Variants in RAB37 observed in about 807,000 individuals in gnomAD.
RAB37 encodes ras-related protein Rab-37.
RAB37 carries 29 observed loss-of-function variants against 33.1 expected under a neutral mutation model. The ratio of observed to expected loss-of-function variants is 0.88; its 90% confidence interval spans 0.65 to 1.20. The LOEUF (loss-of-function observed/expected upper bound fraction) is 1.20. Among genes scored for constraint, RAB37 ranks in the 50% most tolerant of loss-of-function variants. RAB37 has a pLI of 0.00. For missense variants in RAB37, 299 were observed against 301.1 expected (o/e 0.99, Z 0.05); for synonymous variants, 128 against 119.5 (o/e 1.07, Z -0.47).
At chr17:74,731,973 G>A (rs947028102) in intron 2 of RAB37, among the ~76,000 whole-genome samples, 2 of 151,830 alleles carry the variant, frequency 1.3e-5, no homozygotes, top group Non-Finnish European at 2.9e-5. Flanking sequence ...TCATGCCATT[G>A]CGCTACAGCC....
intron 1 of RAB37, among the ~76,000 whole-genome samples, chr17:74,691,418 G>A (rs1289705137): frequency 6.6e-6 from 1 of 152,144 alleles, no homozygotes; most frequent in Non-Finnish European, 1.5e-5. Context: ...GATCCTCCTG[G>A]CTAAGCCTTC....
At chr17:74,688,552 C>A (rs200763899) in intron 1 of RAB37, among the ~76,000 whole-genome samples, 852 of 112,546 alleles carry the variant, frequency 7.6e-3, no homozygotes, top group African/African-American at 0.011. Flanking sequence ...GACTGCACCT[C>A]AAAAAAAAAA....
chr17:74,709,822 C>T (rs868021400), intron 1 of RAB37, among the ~76,000 whole-genome samples: 16 of 152,132 alleles, frequency 1.1e-4, no homozygotes, highest in Admixed American at 5.2e-4. Flanking sequence ...ATCTGCCTGC[C>T]TTAGCCTCAC....
chr17:74,685,104 T>TAAA (rs920024515), intron 1 of RAB37, among the ~76,000 whole-genome samples: 1 of 139,044 alleles, frequency 7.2e-6, no homozygotes, highest in Non-Finnish European at 1.6e-5. Flanking sequence ...CATTTTGCCT[T>TAAA]AAAAAAAAAA....
At chr17:74,717,041 A>G (rs1394063210) in intron 1 of RAB37, among the ~76,000 whole-genome samples, 2 of 152,224 alleles carry the variant, frequency 1.3e-5, no homozygotes, top group Admixed American at 1.3e-4. Flanking sequence ...AGGCTGAGGC[A>G]GGAGAATCAC....
upstream of RAB37, chr17:74,736,798 G>A (rs2144053020): frequency 6.5e-7 from 1 of 1,535,502 alleles, no homozygotes. Context: ...AACAGATGAG[G>A]AAGTGTCTCG....
At chr17:74,682,776 T>C (rs1178251765) in intron 1 of RAB37, among the ~76,000 whole-genome samples, 3 of 152,196 alleles carry the variant, frequency 2.0e-5, no homozygotes, top group South Asian at 4.1e-4. Flanking sequence ...TGGTGGTGCA[T>C]GCCTGCAATC....
intron 1 of RAB37, among the ~76,000 whole-genome samples, chr17:74,691,496 C>T (rs542877410): frequency 6.6e-6 from 1 of 152,132 alleles, no homozygotes; most frequent in East Asian, 1.9e-4. Context: ...CAAAGTTTGA[C>T]TAAGGCAACC....
chr17:74,737,110 A>G (rs1281873633), upstream of RAB37: 3 of 1,598,196 alleles, frequency 1.9e-6, no homozygotes, highest in Non-Finnish European at 2.6e-6. Context: ...CCCTCAGGGA[A>G]CAGCAAGGTC....
In RAB37 at chr17:74,696,184, G is replaced by A. The variant is rs753099765; in HGVS notation, c.72+24526G>A. 27 of 1,602,324 alleles carry A rather than the reference G, an allele frequency of 1.7e-5. No individual in the cohort carries two copies. The Admixed American group carries it at 3.0e-4, about 18-fold the overall frequency. ...CTGGTCTCTCTGGTCCGACCTTGGG[G>A]GCTATCTTACCTGCTCTGGGGACAT... On this transcript the variant is annotated intron_variant, in intron 1 of 7. Coordinates refer to the RAB37 transcript ENST00000340415.
chr17:74,678,363 C>G (rs564737486), intron 1 of RAB37, among the ~76,000 whole-genome samples: 1 of 152,140 alleles, frequency 6.6e-6, no homozygotes, highest in Non-Finnish European at 1.5e-5. Context: ...GGGAGCAAGG[C>G]CTTGAGTGGT....
chr17:74,698,133 G>A (rs548580945), intron 1 of RAB37, among the ~76,000 whole-genome samples: 41 of 152,348 alleles, frequency 2.7e-4, no homozygotes, highest in African/African-American at 9.9e-4. Flanking sequence ...GGATCAGAGA[G>A]AAGAGAAGGG....
intron 1 of RAB37, among the ~76,000 whole-genome samples, chr17:74,702,016 C>A: frequency 6.7e-6 from 1 of 149,886 alleles, no homozygotes; most frequent in African/African-American, 2.5e-5. Flanking sequence ...GCAAGACTGT[C>A]TAAAAATAAA....
intron 1 of RAB37, among the ~76,000 whole-genome samples, chr17:74,686,626 T>G (rs1397882250): frequency 1.3e-5 from 2 of 152,096 alleles, no homozygotes; most frequent in African/African-American, 4.8e-5. Flanking sequence ...ACTCCTGACC[T>G]CAAATGATCC....
chr17:74,696,505 C>T (rs1009098310), intron 1 of RAB37, among the ~76,000 whole-genome samples: 1 of 152,206 alleles, frequency 6.6e-6, no homozygotes, highest in Non-Finnish European at 1.5e-5. Context: ...TGCCAGCCAT[C>T]GGCTCCCCTG....
At position 74,718,419 on chromosome 17, in the gene RAB37, G is replaced by GA. The variant is rs557351172; in HGVS notation, c.73-10828dup. Among the ~76,000 whole-genome samples, 205 of 150,186 alleles carry GA rather than the reference G, an allele frequency of 1.4e-3. 1 individual carries two copies. The highest frequency in any genetic ancestry group is 2.6e-3 in the Admixed American group (39 of 15,062). On this transcript the variant is annotated intron_variant, in intron 1 of 7. Coordinates refer to the RAB37 transcript ENST00000340415. Reference sequence around the variant, plus strand: ...GCCGGGACTAAGATAGTGGGTTAGAGAAAAAAAAAGGGCTCTTTGATTTTC... The same window carrying GA: ...GCCGGGACTAAGATAGTGGGTTAGAGAAAAAAAAAAGGGCTCTTTGATTTTC...
In RAB37 at chr17:74,696,319, G is replaced by A. The variant is rs1226394131; in HGVS notation, c.72+24661G>A. The A allele has an allele frequency of 4.7e-6, 6 of 1,286,376 alleles. No individual in the cohort carries two copies. In the Admixed American group the frequency reaches 9.6e-5, roughly 21 times the overall value. The allele number at this position is 1,286,376 out of a possible 1,614,324, so 79.7% of individuals were successfully genotyped here. On this transcript the variant is annotated intron_variant, in intron 1 of 7. Transcript: ENST00000340415. ...AAATATGGAAGAAAAGAGGTGAATT[G>A]GGTCCAGGCTCAGAGACAGGGACCT... is the stretch of plus-strand genomic sequence containing the variant.
chr17:74,737,127 G>A (rs1268848185), upstream of RAB37: 6 of 1,595,552 alleles, frequency 3.8e-6, no homozygotes, highest in Admixed American at 6.8e-5. Context: ...GGTCCGAGCC[G>A]GTGTCGTCGA....
Position 74,703,074 on chromosome 17 carries a change from C to T in RAB37, c.73-26182C>T, listed in dbSNP as rs781183553. 4 of 1,613,872 alleles carry T rather than the reference C, an allele frequency of 2.5e-6. No homozygotes were observed. In the African/African-American group the frequency reaches 5.3e-5, roughly 22 times the overall value. Reference sequence around the variant, plus strand: ...GTGGCCGGTCAGAGTTGGGGAGCTGCTAGTTTCTTCTTGGGTGACTGGTGC... The same window carrying T: ...GTGGCCGGTCAGAGTTGGGGAGCTGTTAGTTTCTTCTTGGGTGACTGGTGC... On this transcript the variant is annotated intron_variant, in intron 1 of 7. Coordinates refer to the RAB37 transcript ENST00000340415.
Sources: gnomAD v4.1 joint callset for allele counts (sites outside exome capture counted in the v4.1 genomes callset) on GRCh38, gnomAD v4.1.1 for gene constraint, MANE v1.5 for transcripts, NCBI Gene and HGNC (gene_info 2026-07-23, HGNC 2026-07-21) for gene names.